The following GRM5 variants were observed in gnomAD, a reference collection of about 807,000 sequenced individuals.
The protein encoded by GRM5 is glutamate metabotropic receptor 5, also known as metabotropic glutamate receptor 5.
GRM5 carries 19 observed loss-of-function variants against 83.1 expected under a neutral mutation model. The observed-to-expected ratio is 0.23, with a 90% confidence interval of 0.16 to 0.34. The LOEUF (loss-of-function observed/expected upper bound fraction) is 0.34, where lower values mean the gene tolerates loss of function less well. Among genes scored for constraint, GRM5 ranks in the 10% least tolerant of loss-of-function variants. GRM5 has a pLI of 1.00. For synonymous variants in GRM5, 675 were observed against 633.6 expected, an observed-to-expected ratio of 1.07 and a Z score of -0.98; for missense variants, 1,160 against 1,588.3, an observed-to-expected ratio of 0.73 and a Z score of 4.58.
In GRM5 at chr11:88,997,356, A is replaced by C. The variant is rs192664550; in HGVS notation, c.661+49856T>G. ...ATTAAAAAAAAAAAAAAAAAGAATG[A>C]AAGAAGAGAAAAATCTTAAATCAGT... is the stretch of plus-strand genomic sequence containing the variant. On this transcript the variant is annotated intron_variant, in intron 2 of 9. Coordinates refer to ENST00000305447, the MANE Select transcript of GRM5 (RefSeq NM_001143831.3). Among the ~76,000 whole-genome samples, 6 of 150,298 alleles carry C rather than the reference A, an allele frequency of 4.0e-5. No homozygotes were observed. The East Asian group carries it at 1.2e-3, about 29-fold the overall frequency.
Position 88,863,994 on chromosome 11 carries a change from C to T in GRM5, c.662-13839G>A, listed in dbSNP as rs187067171. Among the ~76,000 whole-genome samples, 68 of 151,172 alleles carry T rather than the reference C, an allele frequency of 4.5e-4. 1 individual carries two copies. The highest frequency in any genetic ancestry group is 2.5e-3 in the East Asian group (13 of 5,130). On this transcript the variant is annotated intron_variant, in intron 2 of 9. Transcript: ENST00000305447. Reference sequence around the variant, plus strand: ...AAAGATCCAGTACAATAAAGGTGAACGTTTAATGATGTAGAATGGAAAATA... The same window carrying T: ...AAAGATCCAGTACAATAAAGGTGAATGTTTAATGATGTAGAATGGAAAATA...
intron 3 of GRM5, among the ~76,000 whole-genome samples, chr11:88,829,118 G>C (rs1420562437): frequency 6.6e-6 from 1 of 152,010 alleles, no homozygotes; most frequent in African/African-American, 2.4e-5. Context: ...AAAATAATTA[G>C]AGTGGCATGA....
intron 3 of GRM5, among the ~76,000 whole-genome samples, chr11:88,720,815 TGTGTGC>T (rs763958286): frequency 0.14 from 19,201 of 135,924 alleles, 1,398 homozygotes; most frequent in Middle Eastern, 0.19. Context: ...TGTGTGTGTG[TGTGTGC>T]GTGTGTGTGT....
rs559455340 is a variant in GRM5, at chr11:88,948,338, T to C, written c.662-98183A>G. 1.8e-3 allele frequency among the ~76,000 whole-genome samples: 272 copies of C among 152,304 alleles called. 1 individual carries two copies. The highest frequency in any genetic ancestry group is 3.3e-3 in the Non-Finnish European group (224 of 68,028). ...CAGGTGCAGGTTCCTTTAATTAAGC[T>C]CCCAGTGTGGTTCACAAAAGACAGG... On this transcript the variant is annotated intron_variant, in intron 2 of 9. Transcript: ENST00000305447.
chr11:88,844,529 GC>G (rs987356252), intron 3 of GRM5, among the ~76,000 whole-genome samples: 11 of 99,874 alleles, frequency 1.1e-4, no homozygotes, highest in Non-Finnish European at 2.2e-4. Context: ...CCATTCTTCA[GC>G]CTATGAATCA....
intron 2 of GRM5, among the ~76,000 whole-genome samples, chr11:88,957,437 G>GT (rs1938655432): frequency 6.6e-6 from 1 of 152,174 alleles, no homozygotes; most frequent in African/African-American, 2.4e-5. Context: ...AAAACAAGCT[G>GT]TAAGTTTATC....
rs757702413 is a variant in GRM5, at chr11:88,850,088, G to A, written c.729C>T (p.Ala243=). 2.1e-6 allele frequency: 3 copies of A among 1,462,706 alleles called. No homozygotes were observed. The highest frequency in any genetic ancestry group is 4.5e-5 in the East Asian group (2 of 44,136). The allele number at this position is 1,462,706 out of a possible 1,614,324, so 90.6% of individuals were successfully genotyped here. A position where few individuals can be genotyped will look rare whatever the true frequency, so the allele number is the denominator to read the frequency against. ...CATTACTGTAGATTTTGTAAGAGTG[G>A]GCGATGCAAATCCCTTCCTTCGCTG... ...DMSAKEGICI[A]HSYKIYSNAG... Residue 243 remains alanine, a synonymous_variant, in exon 3 of 10, where the codon GCC becomes GCT. Transcript: ENST00000305447.
At chr11:88,617,940 AGTAGT>A (rs1277785547) in intron 4 of GRM5, among the ~76,000 whole-genome samples, 1 of 152,166 alleles carries the variant, frequency 6.6e-6, no homozygotes, top group Non-Finnish European at 1.5e-5. Flanking sequence ...GTGCTAAGAA[AGTAGT>A]CCTATAGCAT....
chr11:88,874,087 A>G (rs182654352), intron 2 of GRM5, among the ~76,000 whole-genome samples: 1 of 151,808 alleles, frequency 6.6e-6, no homozygotes, highest in African/African-American at 2.4e-5. Context: ...TTCAGAAAGG[A>G]AAGTTCAACA....
chr11:88,904,308 G>A (rs1214128492), intron 2 of GRM5, among the ~76,000 whole-genome samples: 1 of 152,090 alleles, frequency 6.6e-6, no homozygotes. Flanking sequence ...TTTTCCTTCA[G>A]GAGCCCATAC....
At position 88,634,305 on chromosome 11, in the gene GRM5, T is replaced by C. The variant is rs533129881; in HGVS notation, c.1147+18863A>G. Reference sequence around the variant, plus strand: ...AAAATATTATTTTTCTTTCTTCAAATTCACCATAGTTTACTGTAACATTTA... The same window carrying C: ...AAAATATTATTTTTCTTTCTTCAAACTCACCATAGTTTACTGTAACATTTA... On this transcript the variant is annotated intron_variant, in intron 4 of 9. Transcript: ENST00000305447. Among the ~76,000 whole-genome samples the C allele has an allele frequency of 1.3e-4, 20 of 152,304 alleles. No homozygotes were observed. In the East Asian group the frequency reaches 3.9e-3, roughly 29 times the overall value.
At chr11:88,976,799 TG>T (rs1939352894) in intron 2 of GRM5, among the ~76,000 whole-genome samples, 1 of 152,096 alleles carries the variant, frequency 6.6e-6, no homozygotes, top group Non-Finnish European at 1.5e-5. Context: ...GAGATAAAAA[TG>T]GAAGTTCTTT....
chr11:88,985,666 G>C (rs1435318136), intron 2 of GRM5, among the ~76,000 whole-genome samples: 1 of 152,062 alleles, frequency 6.6e-6, no homozygotes, highest in African/African-American at 2.4e-5. Context: ...GATGCCTTTG[G>C]TGTCCCCAAG....
At chr11:89,010,897 G>A (rs1242876242) in intron 2 of GRM5, among the ~76,000 whole-genome samples, 3 of 152,144 alleles carry the variant, frequency 2.0e-5, no homozygotes, top group Non-Finnish European at 4.4e-5. Flanking sequence ...ATGATTATGA[G>A]AAAATGAGAA....
chr11:88,607,118 T>C (rs1938174379), intron 4 of GRM5, among the ~76,000 whole-genome samples: 1 of 152,088 alleles, frequency 6.6e-6, no homozygotes, highest in Admixed American at 6.5e-5. Flanking sequence ...GCGTAGTGCA[T>C]TGTGACATAA....
At chr11:88,556,312 T>TTCTTA (rs1351836144) in intron 8 of GRM5, among the ~76,000 whole-genome samples, 92 of 133,316 alleles carry the variant, frequency 6.9e-4, no homozygotes, top group Non-Finnish European at 1.3e-3. Flanking sequence ...GTGGGACACA[T>TTCTTA]TCTTTTCTTT....
intron 3 of GRM5, among the ~76,000 whole-genome samples, chr11:88,753,068 C>T (rs186401396): frequency 8.5e-5 from 13 of 152,192 alleles, no homozygotes; most frequent in Admixed American, 7.9e-4. Context: ...ATGATGAAAT[C>T]ACCAAAAGCA....
intron 3 of GRM5, among the ~76,000 whole-genome samples, chr11:88,656,212 G>A (rs932823673): frequency 2.0e-5 from 3 of 151,480 alleles, no homozygotes; most frequent in African/African-American, 4.9e-5. Context: ...ACTAACATTT[G>A]CTAAAAGTCT....
intron 8 of GRM5, among the ~76,000 whole-genome samples, chr11:88,558,799 CAAAAAAAAAAAAAAAA>C (rs71265014): frequency 4.6e-5 from 1 of 21,908 alleles, no homozygotes; most frequent in Non-Finnish European, 9.8e-5. Context: ...GACTCCATCT[CAAAAAAAAAAAAAAAA>C]AAAAAAAAAA....
Sources: allele counts gnomAD v4.1 joint callset (sites outside exome capture counted in the v4.1 genomes callset), GRCh38; gene constraint gnomAD v4.1.1; transcripts MANE v1.5; gene names NCBI Gene and HGNC (gene_info 2026-07-23, HGNC 2026-07-21).